EFNB2: variants seen among roughly 807,000 people sequenced by gnomAD.
The protein encoded by EFNB2 is ephrin-B2.
Under a neutral mutation model 32.1 loss-of-function variants are expected in EFNB2, and 5 were observed. The ratio of observed to expected loss-of-function variants is 0.16; its 90% CI spans 0.08 to 0.33. EFNB2 has a LOEUF of 0.33. EFNB2 is among the 10% of genes least tolerant of loss of function. EFNB2 has a pLI of 1.00. For synonymous variants in EFNB2, 168 were observed against 166.5 expected, an observed-to-expected ratio of 1.01 and a Z score of -0.07; for missense variants, 263 against 422.6, an observed-to-expected ratio of 0.62 and a Z score of 3.31.
At position 106,495,730 on chromosome 13, in the gene EFNB2, G is replaced by A; in HGVS notation, c.499+18C>T. ...CACCAGGTCACAGTGGCGTCATGAA[G>A]CAGCAGATGGTCTTTACCTTGTCCA... On this transcript the variant is annotated intron_variant, in intron 3 of 4. Transcript: ENST00000646441. The A allele has an allele frequency of 6.2e-7, 1 of 1,611,720 alleles. No individual in the cohort carries two copies. Among genetic ancestry groups the A allele is most frequent in the Non-Finnish European group, 8.5e-7 (1 of 1,178,272 alleles).
intron 2 of EFNB2, among the ~76,000 whole-genome samples, chr13:106,497,819 A>T (rs563778308): frequency 6.6e-6 from 1 of 152,216 alleles, no homozygotes; most frequent in Non-Finnish European, 1.5e-5. Flanking sequence ...GCTTCAAACT[A>T]TGAGTTTCTA....
chr13:106,517,264 C>T (rs1223412201), intron 1 of EFNB2: 4 of 152,164 alleles, frequency 2.6e-5, no homozygotes, highest in Non-Finnish European at 5.9e-5. Flanking sequence ...AGATAATGTT[C>T]ATCTTGTAAC....
chr13:106,516,927 G>T (rs1220511247), intron 1 of EFNB2: 2 of 152,158 alleles, frequency 1.3e-5, no homozygotes, highest in Non-Finnish European at 2.9e-5. Flanking sequence ...AGAAAATGGG[G>T]TGAGTTTCCT....
intron 2 of EFNB2, among the ~76,000 whole-genome samples, chr13:106,500,008 A>G (rs1389609931): frequency 6.6e-6 from 1 of 152,166 alleles, no homozygotes; most frequent in Non-Finnish European, 1.5e-5. Flanking sequence ...TTTGCCATCT[A>G]TTTGCACCTA....
Position 106,493,693 on chromosome 13 carries a change from C to T in EFNB2, c.614-265G>A, listed in dbSNP as rs1022491013. 6.6e-6 allele frequency among the ~76,000 whole-genome samples: 1 copy of T among 152,170 alleles called. No homozygotes were observed. Among genetic ancestry groups the T allele is most frequent in the Non-Finnish European group, 1.5e-5 (1 of 68,032 alleles). Reference sequence around the variant, plus strand: ...AAGAGCACAGACTGTCGGTGACAGCCAGCCCTTGATCTTGCTTCATCTTCT... The same window carrying T: ...AAGAGCACAGACTGTCGGTGACAGCTAGCCCTTGATCTTGCTTCATCTTCT... On this transcript the variant is annotated intron_variant, in intron 4 of 4. Transcript: ENST00000646441. This position sits in a 1 kb window ranked among gnomAD's most constrained non-coding sequence, Gnocchi z 6.1.
At chr13:106,531,498 G>A (rs1352105646) in intron 1 of EFNB2, among the ~76,000 whole-genome samples, 1 of 152,178 alleles carries the variant, frequency 6.6e-6, no homozygotes, top group Non-Finnish European at 1.5e-5. Context: ...AGTTCAAGGG[G>A]CTATTCAATC....
intron 2 of EFNB2, among the ~76,000 whole-genome samples, chr13:106,508,007 C>T (rs1451012134): frequency 6.6e-6 from 1 of 152,196 alleles, no homozygotes; most frequent in Admixed American, 6.5e-5. Flanking sequence ...CATTTTTCAT[C>T]CATCTCTGAC....
intron 1 of EFNB2, among the ~76,000 whole-genome samples, chr13:106,527,910 C>A (rs766324768): frequency 1.3e-5 from 2 of 152,332 alleles, no homozygotes; most frequent in Non-Finnish European, 2.9e-5. Context: ...CAGGGCAATT[C>A]AGCTTTTTCT....
At chr13:106,525,944 C>T (rs1879685754) in intron 1 of EFNB2, among the ~76,000 whole-genome samples, 1 of 152,168 alleles carries the variant, frequency 6.6e-6, no homozygotes, top group Admixed American at 6.5e-5. Context: ...TTCAGAGATC[C>T]CCAAACAGCT....
intron 2 of EFNB2, among the ~76,000 whole-genome samples, chr13:106,498,192 A>G (rs1009928004): frequency 4.6e-5 from 7 of 152,214 alleles, no homozygotes; most frequent in Non-Finnish European, 7.3e-5. Flanking sequence ...GTGCACAGAA[A>G]GAAAGGGGAG....
At chr13:106,519,099 A>G (rs1879412209) in intron 1 of EFNB2, 1 of 152,168 alleles carries the variant, frequency 6.6e-6, no homozygotes, top group Non-Finnish European at 1.5e-5. Flanking sequence ...GACACAGAAT[A>G]AAGAGATCAG....
At chr13:106,532,406 A>C (rs1312263193) in intron 1 of EFNB2, among the ~76,000 whole-genome samples, 2 of 152,232 alleles carry the variant, frequency 1.3e-5, no homozygotes, top group Non-Finnish European at 2.9e-5. Context: ...CACAGTTCAT[A>C]GGAACTGATG....
chr13:106,496,875 A>C (rs755278944), intron 2 of EFNB2, among the ~76,000 whole-genome samples: 1 of 152,210 alleles, frequency 6.6e-6, no homozygotes, highest in South Asian at 2.1e-4. Flanking sequence ...GAAGGTGGAG[A>C]GTGCTAGACA....
chr13:106,493,831 A>G lies in EFNB2; in HGVS notation c.614-403T>C, dbSNP rs1286031377. ...ATTGCTCTTCCGCCTCCTTTGAGAA[A>G]GGGAGTTTCATGCAAACCTTCAAAG... On this transcript the variant is annotated intron_variant, in intron 4 of 4. Coordinates refer to ENST00000646441, the MANE Select transcript of EFNB2 (RefSeq NM_004093.4). This position sits in a 1 kb window ranked among gnomAD's most constrained non-coding sequence, Gnocchi z 6.1. Among the ~76,000 whole-genome samples, 1 of 152,224 alleles carries G rather than the reference A, an allele frequency of 6.6e-6. No individual in the cohort carries two copies. Among genetic ancestry groups the G allele is most frequent in the Non-Finnish European group, 1.5e-5 (1 of 68,038 alleles).
At position 106,490,823 on chromosome 13, in the gene EFNB2, A is replaced by G. The variant is rs1358794818; in HGVS notation, c.*2217T>C. 1 of 152,462 alleles carries G rather than the reference A, an allele frequency of 6.6e-6. No individual in the cohort carries two copies. Among genetic ancestry groups the G allele is most frequent in the Non-Finnish European group, 1.5e-5 (1 of 68,022 alleles). The allele number at this position is 152,462 out of a possible 1,614,324, so 9.4% of individuals were successfully genotyped here. A position where few individuals can be genotyped will look rare whatever the true frequency, so the allele number is the denominator to read the frequency against. ...ACCACGCACCCACTCACACATACAC[A>G]CACGCACTTTGGACCAACATCATTT... On this transcript the variant is annotated 3_prime_UTR_variant, in exon 5 of 5. Coordinates refer to ENST00000646441, the MANE Select transcript of EFNB2 (RefSeq NM_004093.4).
At chr13:106,524,484 C>CTT (rs1433600218) in intron 1 of EFNB2, among the ~76,000 whole-genome samples, 2 of 152,174 alleles carry the variant, frequency 1.3e-5, no homozygotes, top group Non-Finnish European at 2.9e-5. Flanking sequence ...ATTAAAAGTG[C>CTT]TTCCCTCATA....
chr13:106,502,495 G>T lies in EFNB2; in HGVS notation c.407-6655C>A, dbSNP rs562458310. ...TTTGGTAAGTTGATTTTGTTTGTAT[G>T]TGCACTTAAAAGGTTTTGATGACAT... On this transcript the variant is annotated intron_variant, in intron 2 of 4. Transcript: ENST00000646441. Among the ~76,000 whole-genome samples, 526 of 152,280 alleles carry T rather than the reference G, an allele frequency of 3.5e-3. 2 individuals carry two copies. Among genetic ancestry groups the T allele is most frequent in the African/African-American group, 0.012 (509 of 41,558 alleles).
rs1309650187 is a variant in EFNB2, at chr13:106,514,819, G to A, written c.123-2007C>T. 2.0e-5 allele frequency among the ~76,000 whole-genome samples: 3 copies of A among 151,988 alleles called. No homozygotes were observed. In the East Asian group the frequency reaches 5.8e-4, roughly 29 times the overall value. ...GTATTCCTAAATTACAAGCCCTGGGGGCATCCCAGGCTTCAGAGATTAGGA... is the reference window on the plus strand; with the variant it reads ...GTATTCCTAAATTACAAGCCCTGGGAGCATCCCAGGCTTCAGAGATTAGGA... On this transcript the variant is annotated intron_variant, in intron 1 of 4. Transcript: ENST00000646441.
intron 2 of EFNB2, among the ~76,000 whole-genome samples, chr13:106,502,851 A>AAGC (rs10645499): frequency 0.73 from 110,826 of 151,830 alleles, 41,073 homozygotes; most frequent in African/African-American, 0.85. Flanking sequence ...GAAGAGCAGA[A>AAGC]AGTGATGGCA....
Sources: gnomAD v4.1 joint callset for allele counts (sites outside exome capture counted in the v4.1 genomes callset) on GRCh38, gnomAD v4.1.1 for gene constraint, Gnocchi (gnomAD v3.1) non-coding constraint, MANE v1.5 for transcripts, NCBI Gene and HGNC (gene_info 2026-07-23, HGNC 2026-07-21) for gene names.